The following CHRM3 variants were observed in gnomAD, a reference collection of about 807,000 sequenced individuals.
CHRM3 encodes the protein cholinergic receptor muscarinic 3, also known as muscarinic acetylcholine receptor M3.
Under a neutral mutation model 41.8 loss-of-function variants are expected in CHRM3, and 11 were observed. That is an observed-to-expected ratio of 0.26 (90% CI 0.17 to 0.44). CHRM3 has a LOEUF of 0.44. Among genes scored for constraint, CHRM3 ranks in the 20% least tolerant of loss-of-function variants. The pLI is 1.00. For synonymous variants in CHRM3, 297 were observed against 301.4 expected (o/e 0.99, Z 0.15); for missense variants, 571 against 745.4 (o/e 0.77, Z 2.72).
intron 4 of CHRM3, among the ~76,000 whole-genome samples, chr1:239,655,723 G>A (rs1672651909): frequency 6.6e-6 from 1 of 152,158 alleles, no homozygotes; most frequent in South Asian, 2.1e-4. Context: ...TAATATCAGT[G>A]TAATCTTGAA....
intron 4 of CHRM3, among the ~76,000 whole-genome samples, chr1:239,638,684 T>A (rs968395734): frequency 1.3e-5 from 2 of 152,154 alleles, no homozygotes; most frequent in African/African-American, 4.8e-5. Flanking sequence ...GATGAGTAGG[T>A]TGCGAAAATT....
At chr1:239,616,420 C>T (rs999734428) in intron 3 of CHRM3, among the ~76,000 whole-genome samples, 1 of 152,116 alleles carries the variant, frequency 6.6e-6, no homozygotes, top group African/African-American at 2.4e-5. Context: ...TCCTCGGTGC[C>T]TTTGATCTAT....
At chr1:239,791,174 G>A (rs368867679) in intron 5 of CHRM3, among the ~76,000 whole-genome samples, 7 of 151,930 alleles carry the variant, frequency 4.6e-5, no homozygotes, top group Admixed American at 2.6e-4. Flanking sequence ...ATGCAGTCTC[G>A]GCTCACTGCA....
chr1:239,898,409 C>T (rs1041586388), intron 6 of CHRM3: 1 of 152,118 alleles, frequency 6.6e-6, no homozygotes, highest in Non-Finnish European at 1.5e-5. Context: ...TGAATTATGA[C>T]AGAAAACAGA....
intron 5 of CHRM3, among the ~76,000 whole-genome samples, chr1:239,736,909 A>G (rs973393251): frequency 3.3e-5 from 5 of 152,196 alleles, no homozygotes; most frequent in Admixed American, 6.5e-5. Flanking sequence ...GTTTTGCATG[A>G]AAGTTCAGTC....
chr1:239,447,522 T>G (rs1303011619), intron 1 of CHRM3, among the ~76,000 whole-genome samples: 1 of 152,172 alleles, frequency 6.6e-6, no homozygotes, highest in Admixed American at 6.5e-5. Flanking sequence ...CAGAAGCTTT[T>G]GGTTCAAGTA....
intron 6 of CHRM3, among the ~76,000 whole-genome samples, chr1:239,876,816 C>G (rs1424156968): frequency 6.6e-6 from 1 of 152,176 alleles, no homozygotes; most frequent in Non-Finnish European, 1.5e-5. Flanking sequence ...AATCAGTTCC[C>G]TAGTGTTTAC....
chr1:239,834,663 A>G (rs1199221347), intron 6 of CHRM3, among the ~76,000 whole-genome samples: 2 of 152,204 alleles, frequency 1.3e-5, no homozygotes, highest in Non-Finnish European at 2.9e-5. Context: ...GAAGGCAGAA[A>G]GTGTAGCTGT....
intron 5 of CHRM3, among the ~76,000 whole-genome samples, chr1:239,740,929 G>T (rs1664794326): frequency 6.6e-6 from 1 of 152,132 alleles, no homozygotes; most frequent in Non-Finnish European, 1.5e-5. Flanking sequence ...TTAAATAAAT[G>T]TATCAATGGT....
In CHRM3 at chr1:239,909,363, A is replaced by C. The variant is rs202056697; in HGVS notation, c.*139A>C. 7 of 800,918 alleles carry C rather than the reference A, an allele frequency of 8.7e-6. No homozygotes were observed. Among genetic ancestry groups the C allele is most frequent in the Non-Finnish European group, 1.4e-5 (7 of 516,576 alleles). The allele number at this position is 800,918 out of a possible 1,614,324, so 49.6% of individuals were successfully genotyped here. On this transcript the variant is annotated 3_prime_UTR_variant, in exon 7 of 7. Transcript: ENST00000676153. ...CAGATGTGAAAGAAGCTGCCTGTTT[A>C]CTGATCCATTGAATAAACCCATTTT...
chr1:239,413,627 A>G (rs1393188428), intron 1 of CHRM3, among the ~76,000 whole-genome samples: 2 of 152,188 alleles, frequency 1.3e-5, no homozygotes, highest in East Asian at 1.9e-4. Flanking sequence ...GCTACAATCA[A>G]TGTTATTTTG....
At chr1:239,434,125 T>A (rs758309276) in intron 1 of CHRM3, among the ~76,000 whole-genome samples, 11 of 152,212 alleles carry the variant, frequency 7.2e-5, no homozygotes, top group Non-Finnish European at 1.3e-4. Context: ...CCAATTCCCA[T>A]CTCAAAGCTC....
chr1:239,739,590 T>C (rs1359030835), intron 5 of CHRM3, among the ~76,000 whole-genome samples: 3 of 152,154 alleles, frequency 2.0e-5, no homozygotes, highest in Non-Finnish European at 4.4e-5. Flanking sequence ...ATAATGCTAA[T>C]AAGGCTGGGA....
At chr1:239,409,036 T>C (rs1322675060) in intron 1 of CHRM3, among the ~76,000 whole-genome samples, 1 of 151,438 alleles carries the variant, frequency 6.6e-6, no homozygotes, top group Non-Finnish European at 1.5e-5. Context: ...CATAACTAAA[T>C]ATTATATTCT....
At chr1:239,696,907 G>A (rs1660247507) in intron 5 of CHRM3, among the ~76,000 whole-genome samples, 1 of 152,152 alleles carries the variant, frequency 6.6e-6, no homozygotes, top group Non-Finnish European at 1.5e-5. Flanking sequence ...GAAAAAAACT[G>A]TTCATTAATA....
intron 3 of CHRM3, among the ~76,000 whole-genome samples, chr1:239,550,989 T>C (rs1201906742): frequency 1.3e-5 from 2 of 152,020 alleles, no homozygotes; most frequent in Non-Finnish European, 2.9e-5. Flanking sequence ...CTTGAATTCA[T>C]CACTGTTTTT....
In CHRM3 at chr1:239,911,714, T is replaced by C. The variant is rs747830848; in HGVS notation, c.*2490T>C. 5.5e-4 allele frequency: 92 copies of C among 167,038 alleles called. 1 individual carries two copies. Among genetic ancestry groups the C allele is most frequent in the Non-Finnish European group, 9.8e-4 (67 of 68,114 alleles). 10.3% of individuals were successfully genotyped at this position (167,038 alleles called of 1,614,324 possible). ...AGGAACAAATCCAAGACTCTAGGTC[T>C]CCCTTTTTTGTTTTACTGGTTTTAT... On this transcript the variant is annotated 3_prime_UTR_variant, in exon 7 of 7. Transcript: ENST00000676153.
chr1:239,405,219 T>C (rs1442225096), intron 1 of CHRM3, among the ~76,000 whole-genome samples: 8 of 152,150 alleles, frequency 5.3e-5, no homozygotes, highest in Non-Finnish European at 1.5e-5. Flanking sequence ...TTGTCAGAAG[T>C]TTAGAAATTC....
chr1:239,549,033 C>G (rs1659554831), intron 3 of CHRM3, among the ~76,000 whole-genome samples: 1 of 152,072 alleles, frequency 6.6e-6, no homozygotes, highest in Non-Finnish European at 1.5e-5. Context: ...AGGAGCAAGT[C>G]ACATTTTACA....
Sources: gnomAD v4.1 joint callset for allele counts (sites outside exome capture counted in the v4.1 genomes callset) on GRCh38, gnomAD v4.1.1 for gene constraint, MANE v1.5 for transcripts, NCBI Gene and HGNC (gene_info 2026-07-23, HGNC 2026-07-21) for gene names.